Variants in ARK2C observed in about 807,000 individuals in gnomAD.
ARK2C encodes E3 ubiquitin-protein ligase ARK2C.
At chr18:46,375,370 T>C in the ARK2C span, among the ~76,000 whole-genome samples, 1 of 151,942 alleles carries the variant, frequency 6.6e-6, no homozygotes, top group Non-Finnish European at 1.5e-5. Flanking sequence ...CTGGGCAACA[T>C]GGGCAAAACC....
chr18:46,371,154 C>A, the ARK2C span, among the ~76,000 whole-genome samples: 12 of 152,264 alleles, frequency 7.9e-5, no homozygotes, highest in Non-Finnish European at 1.5e-4. Context: ...GTCTTATTCA[C>A]CATCATGAGA....
chr18:46,456,635 G>A, the ARK2C span: 4 of 1,607,732 alleles, frequency 2.5e-6, no homozygotes, highest in Admixed American at 1.7e-5. Flanking sequence ...GCCGACAGCT[G>A]AGGGAGGAAT....
At chr18:46,408,157 TGAGGAGTCTGCCCTG>T in the ARK2C span, among the ~76,000 whole-genome samples, 2 of 152,092 alleles carry the variant, frequency 1.3e-5, no homozygotes, top group Non-Finnish European at 2.9e-5. Flanking sequence ...ACCCCTCGGT[TGAGGAGTCTGCCCTG>T]GAGGAAGCAA....
chr18:46,403,053 C>T, the ARK2C span, among the ~76,000 whole-genome samples: 1 of 152,216 alleles, frequency 6.6e-6, no homozygotes, highest in Admixed American at 6.5e-5. Flanking sequence ...TTCAGCTGCT[C>T]TCAGGCAGGC....
the ARK2C span, among the ~76,000 whole-genome samples, chr18:46,442,501 G>A: frequency 2.6e-5 from 4 of 152,120 alleles, no homozygotes; most frequent in African/African-American, 9.7e-5. Context: ...TAATACCAGT[G>A]TGATCAGAAA....
At chr18:46,378,107 T>C in the ARK2C span, among the ~76,000 whole-genome samples, 10 of 152,222 alleles carry the variant, frequency 6.6e-5, no homozygotes, top group African/African-American at 2.4e-4. Flanking sequence ...GCATTTGAGC[T>C]AACTGCTCTT....
chr18:46,433,519 G>A, the ARK2C span: 10 of 1,582,186 alleles, frequency 6.3e-6, no homozygotes, highest in Non-Finnish European at 8.6e-6. Context: ...GGTGCTGCCT[G>A]GGGCGGAGGT....
chr18:46,454,501 G>T, the ARK2C span, among the ~76,000 whole-genome samples: 1 of 152,284 alleles, frequency 6.6e-6, no homozygotes, highest in African/African-American at 2.4e-5. Flanking sequence ...AGCCTAGCAG[G>T]GTTTGCAGTG....
the ARK2C span, among the ~76,000 whole-genome samples, chr18:46,420,356 A>T: frequency 6.6e-6 from 1 of 152,170 alleles, no homozygotes; most frequent in Non-Finnish European, 1.5e-5. Context: ...GAGAAATGGG[A>T]GGCAGAGGAA....
chr18:46,369,193 T>C, the ARK2C span, among the ~76,000 whole-genome samples: 1 of 152,204 alleles, frequency 6.6e-6, no homozygotes, highest in Non-Finnish European at 1.5e-5. Flanking sequence ...AGAAAGCTTG[T>C]TGTATCTAGA....
chr18:46,445,928 G>A, the ARK2C span, among the ~76,000 whole-genome samples: 1 of 147,624 alleles, frequency 6.8e-6, no homozygotes, highest in Non-Finnish European at 1.5e-5. Context: ...CAATGTATTT[G>A]TTGAAGAATC....
chr18:46,386,067 G>A, the ARK2C span: 1 of 152,154 alleles, frequency 6.6e-6, no homozygotes, highest in Admixed American at 6.5e-5. Flanking sequence ...AAAGTATTGG[G>A]GTTCACCCTC....
the ARK2C span, among the ~76,000 whole-genome samples, chr18:46,425,503 C>T: frequency 6.6e-6 from 1 of 152,212 alleles, no homozygotes; most frequent in Admixed American, 6.5e-5. Context: ...AAGGCAGTGC[C>T]TCTCAGCCCT....
At chr18:46,346,771 C>G in the ARK2C span, among the ~76,000 whole-genome samples, 1 of 152,196 alleles carries the variant, frequency 6.6e-6, no homozygotes, top group Non-Finnish European at 1.5e-5. Flanking sequence ...CCCACTTCCC[C>G]CATGCAAACA....
the ARK2C span, among the ~76,000 whole-genome samples, chr18:46,365,720 G>T: frequency 2.0e-5 from 3 of 152,088 alleles, no homozygotes; most frequent in Admixed American, 2.0e-4. Flanking sequence ...GTCCAGGCTG[G>T]TCTTGAACTC....
the ARK2C span, among the ~76,000 whole-genome samples, chr18:46,377,629 C>T: frequency 5.3e-5 from 8 of 152,108 alleles, no homozygotes; most frequent in East Asian, 1.9e-4. Context: ...GGGAGAGGCA[C>T]ATATGAAGGC....
the ARK2C span, among the ~76,000 whole-genome samples, chr18:46,380,338 G>A: frequency 2.0e-5 from 3 of 152,360 alleles, no homozygotes; most frequent in South Asian, 6.2e-4. Flanking sequence ...CTGGCGACTT[G>A]GGGAGTGTGC....
chr18:46,367,216 G>A, the ARK2C span, among the ~76,000 whole-genome samples: 1 of 152,092 alleles, frequency 6.6e-6, no homozygotes, highest in Non-Finnish European at 1.5e-5. Flanking sequence ...TATTCAACTG[G>A]TTCAATTCTG....
At chr18:46,360,630 C>T in the ARK2C span, among the ~76,000 whole-genome samples, 1 of 152,212 alleles carries the variant, frequency 6.6e-6, no homozygotes, top group Non-Finnish European at 1.5e-5. Context: ...CGAAAGACCC[C>T]TGCATTAGTA....
Sources: allele counts gnomAD v4.1 joint callset (sites outside exome capture counted in the v4.1 genomes callset), GRCh38; gene constraint gnomAD v4.1.1; transcripts MANE v1.5; gene names NCBI Gene and HGNC (gene_info 2026-07-23, HGNC 2026-07-21).